Variants in CRYGB observed in about 807,000 individuals in gnomAD.
CRYGB encodes the protein gamma-crystallin B.
A neutral mutation model predicts 21.3 loss-of-function variants in CRYGB; 19 were observed. That is an observed-to-expected ratio of 0.89 (90% CI 0.62 to 1.31). The LOEUF is 1.31. Among genes scored for constraint, CRYGB ranks in the 50% most tolerant of loss-of-function variants. The pLI, the probability that CRYGB is intolerant of heterozygous loss-of-function variation, is 0.00. For synonymous variants in CRYGB, 81 were observed against 81.2 expected (o/e 1.00, Z 0.01); for missense variants, 254 against 228.4 (o/e 1.11, Z -0.72).
At chr2:208,144,382 C>T (rs1559327632) in intron 2 of CRYGB, among the ~76,000 whole-genome samples, 3 of 119,300 alleles carry the variant, frequency 2.5e-5, no homozygotes, top group East Asian at 2.1e-4. Flanking sequence ...CTATTATATG[C>T]GCACGCACAC....
Position 208,145,775 on chromosome 2 carries a change from G to A in CRYGB, c.251C>T (p.Pro84Leu), listed in dbSNP as rs200143566. The A allele has an allele frequency of 1.5e-4, 240 of 1,611,560 alleles. No individual in the cohort carries two copies. In the Middle Eastern group the frequency reaches 2.0e-3, roughly 13 times the overall value. The change falls in exon 2 of 3, where the codon CCG becomes CTG. Residue 84 changes from proline to leucine, a missense_variant and splice_region_variant. Transcript: ENST00000260988. The stretch of plus-strand genomic sequence containing the variant: ...AGGCAAAGACAGAGCCACACTCACC[G>A]GGGGGATGAGGCAGCAGGAGCGGAT... ...DSIRSCCLIP[P>L]HSGAYRMKIY...
Position 208,145,843 on chromosome 2 carries a change from C to G in CRYGB, c.183G>C (p.Gly61=), listed in dbSNP as rs752656185. 1.9e-6 allele frequency: 3 copies of G among 1,613,958 alleles called. No homozygotes were observed. Among genetic ancestry groups the G allele is most frequent in the African/African-American group, 2.7e-5 (2 of 74,902 alleles). ...YQGHQYFLRR[G]EYPDYQQWMG... ...TCCATTGCTGGTAGTCAGGGTACTC[C>G]CCACGCCGCAGGAAGTACTGGTGGC... Residue 61 remains glycine, a synonymous_variant, in exon 2 of 3, where the codon GGG becomes GGC. Transcript: ENST00000260988.
chr2:208,142,595 T>C lies in CRYGB; in HGVS notation c.*43A>G. ...TAGTGCCAGAAACACAAGCTAAATA[T>C]TTTATTAGATTTTAAAGGAGAAAAG... is the stretch of plus-strand genomic sequence containing the variant. On this transcript the variant is annotated 3_prime_UTR_variant, in exon 3 of 3. Transcript: ENST00000260988. 1 of 1,448,960 alleles carries C rather than the reference T, an allele frequency of 6.9e-7. No individual in the cohort carries two copies. The allele number at this position is 1,448,960 out of a possible 1,614,324, so 89.8% of individuals were successfully genotyped here. A position where few individuals can be genotyped will look rare whatever the true frequency, so the allele number is the denominator to read the frequency against.
chr2:208,144,456 T>A (rs1695419190), intron 2 of CRYGB, among the ~76,000 whole-genome samples: 1 of 151,828 alleles, frequency 6.6e-6, no homozygotes, highest in Non-Finnish European at 1.5e-5. Context: ...TAGGCTGGAG[T>A]GCAATGGCAT....
intron 2 of CRYGB, 56 bp downstream of exon 2, chr2:208,145,718 C>G: frequency 7.4e-7 from 1 of 1,342,330 alleles, no homozygotes; most frequent in Non-Finnish European, 1.0e-6. Flanking sequence ...AAAAGAATAT[C>G]ATGAAATAGC....
rs1436501864 is a variant in CRYGB, at chr2:208,142,581, A to G, written c.*57T>C. The G allele has an allele frequency of 6.2e-6, 9 of 1,454,470 alleles. No individual in the cohort carries two copies. In the Admixed American group the frequency reaches 2.3e-4, roughly 38 times the overall value. The allele number at this position is 1,454,470 out of a possible 1,614,324, so 90.1% of individuals were successfully genotyped here. On this transcript the variant is annotated 3_prime_UTR_variant, in exon 3 of 3. Coordinates refer to ENST00000260988, the MANE Select transcript of CRYGB (RefSeq NM_005210.4). ...AGACAGGGCTCTACTAGTGCCAGAA[A>G]CACAAGCTAAATATTTTATTAGATT...
Position 208,142,844 on chromosome 2 carries a change from C to T in CRYGB, c.322G>A (p.Asp108Asn). The T allele has an allele frequency of 6.2e-7, 1 of 1,614,148 alleles. No homozygotes were observed. The highest frequency in any genetic ancestry group is 1.3e-5 in the African/African-American group (1 of 75,050). Residue 108 changes from aspartate (D) to asparagine (N), a missense_variant, in exon 3 of 3, where the codon GAC becomes AAC. Coordinates refer to ENST00000260988, the MANE Select transcript of CRYGB (RefSeq NM_005210.4). ...ELRGQMSELT[D>N]DCISVQDRFH... is the part of the protein sequence containing the mutation. ...CGGTCCTGAACAGAGATACAGTCGT[C>T]TGTGAGCTCTGACATTTGTCCCCTC...
In CRYGB at chr2:208,145,913, A is replaced by G; in HGVS notation, c.113T>C (p.Val38Ala). 6.2e-7 allele frequency: 1 copy of G among 1,613,998 alleles called. No homozygotes were observed. The highest frequency in any genetic ancestry group is 8.5e-7 in the Non-Finnish European group (1 of 1,180,016). Reference sequence around the variant, plus strand: ...ATAGATCATCCAGCAGCCGCTCTCCACCCTGATGGAGTTGCAGCGGCTGAA... The same window carrying G: ...ATAGATCATCCAGCAGCCGCTCTCCGCCCTGATGGAGTTGCAGCGGCTGAA... The part of the protein sequence containing the change: ...PYFSRCNSIR[V>A]ESGCWMIYER... The change falls in exon 2 of 3, where the codon GTG becomes GCG. Residue 38 changes from valine (V) to alanine (A), a missense_variant. By Grantham distance (64) the Val-to-Ala change is moderately conservative. Coordinates refer to ENST00000260988, the MANE Select transcript of CRYGB (RefSeq NM_005210.4).
Position 208,142,821 on chromosome 2 carries a change from G to C in CRYGB, c.345C>G (p.Asp115Glu). ...ELTDDCISVQ[D>E]RFHLTEIHSL... is the part of the protein sequence containing the mutation. ...AGTGAATTTCAGTGAGGTGGAAGCG[G>C]TCCTGAACAGAGATACAGTCGTCTG... Residue 115 changes from aspartate (D) to glutamate (E), a missense_variant, in exon 3 of 3, where the codon GAC (aspartate) becomes GAG (glutamate). By Grantham distance (45) the Asp-to-Glu change is conservative. Coordinates refer to ENST00000260988, the MANE Select transcript of CRYGB (RefSeq NM_005210.4). The C allele has an allele frequency of 6.2e-7, 1 of 1,614,112 alleles. No individual in the cohort carries two copies. The highest frequency in any genetic ancestry group is 8.5e-7 in the Non-Finnish European group (1 of 1,180,018).
Position 208,145,923 on chromosome 2 carries a change from A to C in CRYGB, c.103T>G (p.Ser35Ala), listed in dbSNP as rs1404518572. ...CAGCAGCCGCTCTCCACCCTGATGG[A>C]GTTGCAGCGGCTGAAATAGGGTTGT... is the stretch of plus-strand genomic sequence containing the variant. Reference protein sequence around the residue: ...NLQPYFSRCNSIRVESGCWMI... With the variant: ...NLQPYFSRCNAIRVESGCWMI... The change falls in exon 2 of 3, where the codon TCC becomes GCC. Residue 35 changes from serine (S) to alanine (A), a missense_variant. Physicochemically the swap from Ser to Ala is moderately conservative, Grantham distance 99. Transcript: ENST00000260988. The C allele has an allele frequency of 1.9e-6, 3 of 1,614,020 alleles. No homozygotes were observed. Among genetic ancestry groups the C allele is most frequent in the East Asian group, 2.2e-5 (1 of 44,854 alleles).
At chr2:208,143,118 A>G (rs1695387324) in intron 2 of CRYGB, among the ~76,000 whole-genome samples, 1 of 152,218 alleles carries the variant, frequency 6.6e-6, no homozygotes, top group Non-Finnish European at 1.5e-5. Context: ...GGGCAGAGCT[A>G]GGGCTTTGGG....
intron 2 of CRYGB, 77 bp downstream of exon 2, chr2:208,145,688 CAAAAAAAAA>C (rs554918356): frequency 7.0e-6 from 9 of 1,284,632 alleles, no homozygotes; most frequent in African/African-American, 2.4e-5. Context: ...GACTCCGCCT[CAAAAAAAAA>C]AAAAAAAAAA....
chr2:208,145,293 A>C (rs905144157), intron 2 of CRYGB, among the ~76,000 whole-genome samples: 1 of 151,790 alleles, frequency 6.6e-6, no homozygotes, highest in African/African-American at 2.4e-5. Flanking sequence ...ACCAGGCTGG[A>C]GTGCAGTGGC....
At chr2:208,143,038 A>T in intron 2 of CRYGB, 125 bp from the exon 3 acceptor site, 4 of 1,068,130 alleles carry the variant, frequency 3.7e-6, no homozygotes, top group Non-Finnish European at 5.3e-6. Flanking sequence ...TTGCTTCTAG[A>T]ACAACCCTGT....
chr2:208,143,543 T>C (rs1296814658), intron 2 of CRYGB, among the ~76,000 whole-genome samples: 2 of 52,774 alleles, frequency 3.8e-5, no homozygotes, highest in African/African-American at 1.1e-4. Context: ...GCTGTTGTTG[T>C]CCAGGCTGTA....
rs189550801 is a variant in CRYGB, at chr2:208,144,832, C to T, written c.252+942G>A. Among the ~76,000 whole-genome samples, 18 of 152,040 alleles carry T rather than the reference C, an allele frequency of 1.2e-4. No homozygotes were observed. In the East Asian group the frequency reaches 2.7e-3, roughly 23 times the overall value. On this transcript the variant is annotated intron_variant, in intron 2 of 2. Transcript: ENST00000260988. ...TCTTGAACTCCTGACCTCCTGACCT[C>T]GGCCTCCCAAAGTGCTGGGATTACA...
chr2:208,144,613 C>T (rs548078475), intron 2 of CRYGB, among the ~76,000 whole-genome samples: 6 of 144,802 alleles, frequency 4.1e-5, no homozygotes, highest in African/African-American at 1.0e-4. Context: ...TTTTTTGAGA[C>T]GGAATCTTGC....
chr2:208,143,265 A>G (rs987361097), intron 2 of CRYGB, among the ~76,000 whole-genome samples: 2 of 152,220 alleles, frequency 1.3e-5, no homozygotes, highest in Non-Finnish European at 2.9e-5. Flanking sequence ...AGGAAAATAA[A>G]TCTTGGGACC....
At chr2:208,143,570 T>C (rs1695397724) in intron 2 of CRYGB, among the ~76,000 whole-genome samples, 1 of 152,048 alleles carries the variant, frequency 6.6e-6, no homozygotes, top group African/African-American at 2.4e-5. Context: ...TGGCGCAATC[T>C]CAGCTCACTG....
Sources: allele counts gnomAD v4.1 joint callset (sites outside exome capture counted in the v4.1 genomes callset), GRCh38; gene constraint gnomAD v4.1.1; transcripts MANE v1.5; gene names NCBI Gene and HGNC (gene_info 2026-07-23, HGNC 2026-07-21).